TBC1D19: variants seen among roughly 807,000 people sequenced by gnomAD.
The protein encoded by TBC1D19 is TBC1 domain family member 19.
In TBC1D19, 60 loss-of-function variants were observed where a neutral mutation model predicts 89.0. The ratio of observed to expected loss-of-function variants is 0.67; its 90% confidence interval spans 0.55 to 0.84. The LOEUF (loss-of-function observed/expected upper bound fraction) is 0.84. Among genes scored for constraint, TBC1D19 ranks in the 40% least tolerant of loss-of-function variants. The pLI, the probability that TBC1D19 is intolerant of heterozygous loss-of-function variation, is 0.00. For missense variants in TBC1D19, 500 were observed against 610.8 expected (o/e 0.82, Z 1.91); for synonymous variants, 189 against 199.7 (o/e 0.95, Z 0.45).
intron 3 of TBC1D19, among the ~76,000 whole-genome samples, chr4:26,619,288 T>TCTGCCTCCCAGGTTCACGCCATTCTC: frequency 6.6e-6 from 1 of 151,846 alleles, no homozygotes; most frequent in South Asian, 2.1e-4. Flanking sequence ...CACTGCAAGC[T>TCTGCCTCCCAGGTTCACGCCATTCTC]CTGCCTCCCA....
chr4:26,598,737 A>C (rs1004895472), intron 1 of TBC1D19, among the ~76,000 whole-genome samples: 4 of 152,212 alleles, frequency 2.6e-5, no homozygotes, highest in Non-Finnish European at 5.9e-5. Flanking sequence ...AGTTCAAGTC[A>C]GGAAAGATTT....
At chr4:26,697,413 A>G (rs1714898871) in intron 13 of TBC1D19, among the ~76,000 whole-genome samples, 2 of 152,210 alleles carry the variant, frequency 1.3e-5, no homozygotes, top group South Asian at 4.1e-4. Flanking sequence ...GGGGATTCAT[A>G]GCCGAATTCT....
At chr4:26,800,274 C>T in the TBC1D19 span, among the ~76,000 whole-genome samples, 12 of 152,076 alleles carry the variant, frequency 7.9e-5, no homozygotes, top group African/African-American at 2.4e-4. Context: ...TTTGTCCTTG[C>T]GATAGTTTGC....
chr4:26,742,599 C>T lies in TBC1D19; in HGVS notation c.1319C>T (p.Pro440Leu). 3.1e-6 allele frequency: 5 copies of T among 1,610,466 alleles called. No homozygotes were observed. Among genetic ancestry groups the T allele is most frequent in the Non-Finnish European group, 4.2e-6 (5 of 1,177,864 alleles). Residue 440 changes from proline to leucine, a missense_variant and splice_region_variant, in exon 18 of 21, where the codon CCA (proline) becomes CTA (leucine). Transcript: ENST00000264866. ...FYHLREIGAQ[P>L]LRISFKWMVR... is the part of the protein sequence containing the mutation. Reference sequence around the variant, plus strand: ...CATCTACGAGAAATTGGGGCTCAACCGTGAGTACTTTTCTCTCCTAATTGA... The same window carrying T: ...CATCTACGAGAAATTGGGGCTCAACTGTGAGTACTTTTCTCTCCTAATTGA...
At chr4:26,655,870 C>T (rs983061215) in intron 7 of TBC1D19, among the ~76,000 whole-genome samples, 1 of 152,176 alleles carries the variant, frequency 6.6e-6, no homozygotes. Context: ...GTGCGCTGCA[C>T]CCACTGTCCT....
chr4:26,837,912 A>C, the TBC1D19 span, among the ~76,000 whole-genome samples: 4 of 152,178 alleles, frequency 2.6e-5, no homozygotes, highest in Admixed American at 2.6e-4. Flanking sequence ...TTTTATAAAA[A>C]AATTGGACAT....
intron 7 of TBC1D19, among the ~76,000 whole-genome samples, chr4:26,647,285 G>A (rs1056769164): frequency 6.6e-6 from 1 of 152,182 alleles, no homozygotes; most frequent in Non-Finnish European, 1.5e-5. Context: ...GTGATAAGCT[G>A]AGTTAAGTTA....
intron 13 of TBC1D19, 78 bp from the exon 14 acceptor site, chr4:26,717,855 C>A: frequency 8.3e-7 from 1 of 1,197,972 alleles, no homozygotes; most frequent in Non-Finnish European, 1.2e-6. Context: ...TGAAGGATGC[C>A]TCCTGAGTAG....
chr4:26,634,439 T>C lies in TBC1D19; in HGVS notation c.295-2772T>C, dbSNP rs552213506. On this transcript the variant is annotated intron_variant, in intron 4 of 20. Transcript: ENST00000264866. Reference sequence around the variant, plus strand: ...GCCTGTGGAACTGCTCACATGGAGATGATTAGCATCACCCAGGGTTTCAAG... The same window carrying C: ...GCCTGTGGAACTGCTCACATGGAGACGATTAGCATCACCCAGGGTTTCAAG... Among the ~76,000 whole-genome samples the C allele has an allele frequency of 4.6e-5, 7 of 152,230 alleles. No homozygotes were observed. The South Asian group carries it at 1.5e-3, about 32-fold the overall frequency.
At chr4:26,790,273 A>T in the TBC1D19 span, among the ~76,000 whole-genome samples, 2 of 152,200 alleles carry the variant, frequency 1.3e-5, no homozygotes, top group African/African-American at 4.8e-5. Flanking sequence ...CTGCGGGATG[A>T]TGGTGCCATC....
chr4:26,594,155 C>T (rs896715782), intron 1 of TBC1D19, among the ~76,000 whole-genome samples: 2 of 152,140 alleles, frequency 1.3e-5, no homozygotes, highest in East Asian at 3.8e-4. Flanking sequence ...GAATACTATG[C>T]AGCCATAAAA....
chr4:26,841,418 G>A, the TBC1D19 span, among the ~76,000 whole-genome samples: 1 of 150,782 alleles, frequency 6.6e-6, no homozygotes, highest in Non-Finnish European at 1.5e-5. Context: ...ATGACTTGTT[G>A]AGGGTCAGCC....
the TBC1D19 span, among the ~76,000 whole-genome samples, chr4:26,800,275 G>A: frequency 1.3e-5 from 2 of 152,046 alleles, no homozygotes; most frequent in Admixed American, 6.6e-5. Context: ...TTGTCCTTGC[G>A]ATAGTTTGCT....
At chr4:26,772,125 C>CT in the TBC1D19 span, among the ~76,000 whole-genome samples, 8,034 of 139,886 alleles carry the variant, frequency 0.057, 556 homozygotes, top group African/African-American at 0.16. Flanking sequence ...AGCCCTCCAA[C>CT]TTTTTTTTTT....
At chr4:26,665,431 T>C (rs1711716495) in intron 8 of TBC1D19, among the ~76,000 whole-genome samples, 1 of 152,102 alleles carries the variant, frequency 6.6e-6, no homozygotes, top group African/African-American at 2.4e-5. Context: ...AAAATATTAA[T>C]AGAAATATTT....
chr4:26,780,901 T>A, the TBC1D19 span, among the ~76,000 whole-genome samples: 5 of 152,150 alleles, frequency 3.3e-5, no homozygotes, highest in African/African-American at 1.2e-4. Flanking sequence ...GTGTGGAGAT[T>A]TGCCATCTAT....
chr4:26,819,989 C>T, the TBC1D19 span, among the ~76,000 whole-genome samples: 1 of 152,174 alleles, frequency 6.6e-6, no homozygotes, highest in African/African-American at 2.4e-5. Context: ...GTGAGGCCTT[C>T]CCATTCCTAC....
At chr4:26,842,583 C>CCTTCCTTCCTTTCTTTCTTTCTTTCTTT in the TBC1D19 span, among the ~76,000 whole-genome samples, 1 of 70,538 alleles carries the variant, frequency 1.4e-5, no homozygotes, top group Non-Finnish European at 2.9e-5. Flanking sequence ...TTCCTCCCTC[C>CCTTCCTTCCTTTCTTTCTTTCTTTCTTT]CTTTCTTTCT....
chr4:26,772,326 A>T, the TBC1D19 span, among the ~76,000 whole-genome samples: 2 of 152,162 alleles, frequency 1.3e-5, no homozygotes, highest in Admixed American at 6.5e-5. Context: ...AGAGCATTGC[A>T]GTCCCTGAAG....
Sources: gnomAD v4.1 joint callset for allele counts (sites outside exome capture counted in the v4.1 genomes callset) on GRCh38, gnomAD v4.1.1 for gene constraint, MANE v1.5 for transcripts, NCBI Gene and HGNC (gene_info 2026-07-23, HGNC 2026-07-21) for gene names.